Variants in ATP6V1B2 observed in about 807,000 individuals in gnomAD.
The protein encoded by ATP6V1B2 is V-type proton ATPase subunit B, brain isoform.
A neutral mutation model predicts 66.7 loss-of-function variants in ATP6V1B2; 23 were observed. The ratio of observed to expected loss-of-function variants is 0.34; its 90% CI spans 0.25 to 0.49. The LOEUF is 0.49. Among genes scored for constraint, ATP6V1B2 ranks in the 20% least tolerant of loss-of-function variants. The pLI, the probability that ATP6V1B2 is intolerant of heterozygous loss-of-function variation, is 0.99. For synonymous variants in ATP6V1B2, 278 were observed against 236.7 expected (o/e 1.17, Z -1.60); for missense variants, 478 against 650.8 (o/e 0.73, Z 2.89).
At chr8:20,205,120 C>T (rs1369423806) in intron 2 of ATP6V1B2, among the ~76,000 whole-genome samples, 4 of 152,106 alleles carry the variant, frequency 2.6e-5, no homozygotes, top group Admixed American at 6.5e-5. Flanking sequence ...TGCCCATTAA[C>T]GTTTTGTAAA....
In ATP6V1B2 at chr8:20,212,108, A is replaced by G. The variant is rs780999092; in HGVS notation, c.712A>G (p.Met238Val). The G allele has an allele frequency of 6.2e-7, 1 of 1,613,434 alleles. No individual in the cohort carries two copies. ...TGAAGTTATTGTTATTTAGGTAAAC[A>G]TGGAAACTGCCCGGTTCTTCAAATC... is the stretch of plus-strand genomic sequence containing the variant. ...AIVFAAMGVN[M>V]ETARFFKSDF... Residue 238 changes from methionine (M) to valine (V), a missense_variant, in exon 8 of 14, where the codon ATG becomes GTG. Coordinates refer to ENST00000276390, the MANE Select transcript of ATP6V1B2 (RefSeq NM_001693.4).
intron 12 of ATP6V1B2, among the ~76,000 whole-genome samples, chr8:20,217,795 G>T (rs933318336): frequency 6.6e-6 from 1 of 152,062 alleles, no homozygotes; most frequent in Non-Finnish European, 1.5e-5. Context: ...AGTAGAAATG[G>T]TAAACTTAGC....
chr8:20,212,282 A>T, intron 8 of ATP6V1B2, 83 bp downstream of exon 8: 6 of 1,289,138 alleles, frequency 4.7e-6, no homozygotes, highest in Admixed American at 1.8e-5. Flanking sequence ...AAATGTGGTA[A>T]TAACAGCATT....
At chr8:20,210,758 C>T (rs181903683) in intron 5 of ATP6V1B2, 112 bp downstream of exon 5, 3 of 719,788 alleles carry the variant, frequency 4.2e-6, no homozygotes, top group East Asian at 5.4e-5. Flanking sequence ...AGATAGGCAA[C>T]ACGCTCCATA....
At chr8:20,212,968 C>CAGGGAAA in intron 9 of ATP6V1B2, 63 bp downstream of exon 9, 2 of 1,594,846 alleles carry the variant, frequency 1.3e-6, no homozygotes, top group East Asian at 4.5e-5. Flanking sequence ...GTTAACTTGT[C>CAGGGAAA]ACTTTGCAAG....
At chr8:20,212,620 T>A (rs1367720173) in intron 8 of ATP6V1B2, among the ~76,000 whole-genome samples, 162 bp from the exon 9 acceptor site, 1 of 152,234 alleles carries the variant, frequency 6.6e-6, no homozygotes, top group Non-Finnish European at 1.5e-5. Context: ...TAACTGTTAA[T>A]ACCTTACTTA....
chr8:20,197,943 C>T (rs1301434978), intron 1 of ATP6V1B2, among the ~76,000 whole-genome samples: 1 of 152,228 alleles, frequency 6.6e-6, no homozygotes, highest in Non-Finnish European at 1.5e-5. Context: ...TCTCCCCTCC[C>T]CCTGGTGAGG....
chr8:20,207,001 A>G (rs1000274883), intron 2 of ATP6V1B2, among the ~76,000 whole-genome samples: 2 of 152,218 alleles, frequency 1.3e-5, no homozygotes, highest in Non-Finnish European at 2.9e-5. Context: ...GTGGCAGACA[A>G]TTAGAAACAA....
chr8:20,211,980 G>T, intron 7 of ATP6V1B2, 122 bp from the exon 8 acceptor site: 1 of 951,986 alleles, frequency 1.1e-6, no homozygotes, highest in Non-Finnish European at 1.5e-6. Flanking sequence ...TTTTTGTGAA[G>T]ATTTTTGGGG....
At chr8:20,219,080 T>C (rs1183221620) in intron 13 of ATP6V1B2, among the ~76,000 whole-genome samples, 2 of 152,250 alleles carry the variant, frequency 1.3e-5, no homozygotes, top group African/African-American at 4.8e-5. Context: ...CTATTCAGTT[T>C]TTATTTCCAT....
chr8:20,211,319 G>A lies in ATP6V1B2; in HGVS notation c.603+3G>A. Reference sequence around the variant, plus strand: ...CTGCTGGGCTACCACACAATGAGGTGAGGACTGGGATCGGTTTGCTATGAA... The same window carrying A: ...CTGCTGGGCTACCACACAATGAGGTAAGGACTGGGATCGGTTTGCTATGAA... On this transcript the variant is annotated splice_donor_region_variant and intron_variant, in intron 6 of 13. Coordinates refer to ENST00000276390, the MANE Select transcript of ATP6V1B2 (RefSeq NM_001693.4). 6.2e-7 allele frequency: 1 copy of A among 1,609,402 alleles called. No homozygotes were observed. Among genetic ancestry groups the A allele is most frequent in the East Asian group, 2.2e-5 (1 of 44,818 alleles).
chr8:20,220,436 A>C lies in ATP6V1B2; in HGVS notation c.*34A>C. The C allele has an allele frequency of 6.6e-7, 1 of 1,513,540 alleles. No homozygotes were observed. The highest frequency in any genetic ancestry group is 8.8e-7 in the Non-Finnish European group (1 of 1,137,118). 93.8% of individuals were successfully genotyped at this position (1,513,540 alleles called of 1,614,324 possible). On this transcript the variant is annotated 3_prime_UTR_variant, in exon 14 of 14. Coordinates refer to ENST00000276390, the MANE Select transcript of ATP6V1B2 (RefSeq NM_001693.4). ...TCTGCATTGCTCCGCGCTCTTGTGAAATACTGGTTCTGTTTTCTTTATTCC... is the reference window on the plus strand; with the variant it reads ...TCTGCATTGCTCCGCGCTCTTGTGACATACTGGTTCTGTTTTCTTTATTCC...
At position 20,221,606 on chromosome 8, in the gene ATP6V1B2, G is replaced by A. The variant is rs1235886431; in HGVS notation, c.*1204G>A. ...TCACTTTTTTCTCTGAGGGCTGGGG[G>A]TTGGGGGAGTCAGCATGATTATATT... On this transcript the variant is annotated 3_prime_UTR_variant, in exon 14 of 14. Coordinates refer to ENST00000276390, the MANE Select transcript of ATP6V1B2 (RefSeq NM_001693.4). The A allele has an allele frequency of 1.3e-5, 2 of 152,594 alleles. No homozygotes were observed. The highest frequency in any genetic ancestry group is 1.9e-4 in the East Asian group (1 of 5,196). 9.5% of individuals were successfully genotyped at this position (152,594 alleles called of 1,614,324 possible).
chr8:20,218,825 C>T (rs2072880453), intron 13 of ATP6V1B2, among the ~76,000 whole-genome samples: 1 of 152,160 alleles, frequency 6.6e-6, no homozygotes, highest in Non-Finnish European at 1.5e-5. Context: ...CAATCTCCAG[C>T]TGCCTTAGGA....
intron 1 of ATP6V1B2, among the ~76,000 whole-genome samples, chr8:20,201,600 T>C (rs2072688705): frequency 1.3e-5 from 2 of 152,220 alleles, no homozygotes; most frequent in East Asian, 1.9e-4. Flanking sequence ...GCCAGAAATA[T>C]TATAAGGGTC....
At chr8:20,199,769 C>G (rs867382515) in intron 1 of ATP6V1B2, among the ~76,000 whole-genome samples, 14 of 152,042 alleles carry the variant, frequency 9.2e-5, no homozygotes, top group Middle Eastern at 3.4e-3. Context: ...CGCCGCCATG[C>G]CCGGCTAATT....
chr8:20,214,974 T>A lies in ATP6V1B2; in HGVS notation c.1078+6T>A. ...TCTAACCATGCCTAATGATGGTAAG[T>A]TTTGGTATTTGGATTATAACACACC... is the stretch of plus-strand genomic sequence containing the variant. On this transcript the variant is annotated splice_donor_region_variant and intron_variant, in intron 10 of 13. Transcript: ENST00000276390. 6.2e-7 allele frequency: 1 copy of A among 1,612,238 alleles called. No homozygotes were observed. Among genetic ancestry groups the A allele is most frequent in the East Asian group, 2.2e-5 (1 of 44,822 alleles).
At chr8:20,206,601 G>A (rs557883789) in intron 2 of ATP6V1B2, among the ~76,000 whole-genome samples, 1 of 152,304 alleles carries the variant, frequency 6.6e-6, no homozygotes, top group South Asian at 2.1e-4. Flanking sequence ...CATAGAGTGA[G>A]GCCCTGAAGA....
At chr8:20,219,575 A>G (rs1265981410) in intron 13 of ATP6V1B2, among the ~76,000 whole-genome samples, 1 of 152,196 alleles carries the variant, frequency 6.6e-6, no homozygotes, top group Non-Finnish European at 1.5e-5. Flanking sequence ...GCACCTTTCC[A>G]GTTATATGAT....
Sources: gnomAD v4.1 joint callset for allele counts (sites outside exome capture counted in the v4.1 genomes callset) on GRCh38, gnomAD v4.1.1 for gene constraint, MANE v1.5 for transcripts, NCBI Gene and HGNC (gene_info 2026-07-23, HGNC 2026-07-21) for gene names.